The following MAP3K12 variants were observed in gnomAD, a reference collection of about 807,000 sequenced individuals.
MAP3K12 encodes the protein MAPK-upstream kinase.
MAP3K12 carries 14 observed loss-of-function variants against 87.5 expected under a neutral mutation model. The observed-to-expected ratio is 0.16, with a 90% CI of 0.11 to 0.25. MAP3K12 has a LOEUF of 0.25. MAP3K12 is among the 10% of genes least tolerant of loss of function. The probability of loss-of-function intolerance (pLI) is 1.00; values close to 1 mark genes in which losing one functional copy is unlikely to be tolerated. For missense variants in MAP3K12, 802 were observed against 1,140.4 expected (o/e 0.70, Z 4.27); for synonymous variants, 469 against 452.5 (o/e 1.04, Z -0.46).
intron 4 of MAP3K12, 171 bp from the exon 5 acceptor site, chr12:53,485,646 C>G (rs1943207967): frequency 1.4e-6 from 1 of 695,146 alleles, no homozygotes; most frequent in South Asian, 1.8e-5. Context: ...ACCTCCACCT[C>G]CTGGGTTCAA....
Position 53,483,844 on chromosome 12 carries a change from G to T in MAP3K12, c.1358+67C>A, listed in dbSNP as rs1279861531. ...GTCCTTCCACCCGCCCTGGGGCTGG[G>T]TAGGAGCTGACTGGGTGCATAGTCC... On this transcript the variant is annotated intron_variant, in intron 8 of 13. Transcript: ENST00000547488. The T allele has an allele frequency of 2.5e-6, 4 of 1,610,410 alleles. No individual in the cohort carries two copies. The African/African-American group carries it at 5.3e-5, about 22-fold the overall frequency.
chr12:53,489,079 CAAAAAAAA>C (rs925604046), intron 1 of MAP3K12, among the ~76,000 whole-genome samples: 8 of 46,434 alleles, frequency 1.7e-4, no homozygotes, highest in African/African-American at 5.8e-4. Flanking sequence ...AACTCTGTCT[CAAAAAAAA>C]AAAAAAAAAA....
At chr12:53,484,103 T>G in intron 7 of MAP3K12, 83 bp from the exon 8 acceptor site, 1 of 1,445,888 alleles carries the variant, frequency 6.9e-7, no homozygotes, top group Non-Finnish European at 9.7e-7. Context: ...CCACTGCCAA[T>G]GTGTGTGCTG....
At chr12:53,483,845 T>G (rs191925764) in intron 8 of MAP3K12, 66 bp downstream of exon 8, 3 of 1,610,364 alleles carry the variant, frequency 1.9e-6, no homozygotes, top group Non-Finnish European at 2.5e-6. Flanking sequence ...TGGGGCTGGG[T>G]AGGAGCTGAC....
rs763575485 is a variant in MAP3K12 at position 53,486,898 on chromosome 12, C to T, written c.445+49G>A. The stretch of plus-strand genomic sequence containing the variant: ...ACTTTAGCGGAGCTGACCAACAGAT[C>T]TCGGGCTCAGGGAAACAGAGAGGAG... On this transcript the variant is annotated intron_variant, in intron 2 of 13. Coordinates refer to ENST00000547488, the MANE Select transcript of MAP3K12 (RefSeq NM_001193511.2). The surrounding 1 kb of genome is among the most constrained non-coding windows in gnomAD (Gnocchi z 4.9). 8.1e-6 allele frequency: 13 copies of T among 1,599,740 alleles called. No homozygotes were observed. The highest frequency in any genetic ancestry group is 2.2e-5 in the South Asian group (2 of 89,286).
chr12:53,488,416 C>T (rs1049877269), intron 1 of MAP3K12, among the ~76,000 whole-genome samples: 31 of 152,214 alleles, frequency 2.0e-4, no homozygotes, highest in African/African-American at 6.8e-4. Context: ...AATCTCAGCA[C>T]TTTCAGAGGC....
rs1470591436 is a variant in MAP3K12, at chr12:53,480,601, G to A, written c.*581C>T. On this transcript the variant is annotated 3_prime_UTR_variant, in exon 14 of 14. Transcript: ENST00000547488. ...AAAGCAGGGACTTAAACAGCACCCC[G>A]GTTCTTCAGCCTGAGCCATCACATG... 5 of 152,568 alleles carry A rather than the reference G, an allele frequency of 3.3e-5. No homozygotes were observed. Among genetic ancestry groups the A allele is most frequent in the East Asian group, 3.9e-4 (2 of 5,190 alleles). The allele number at this position is 152,568 out of a possible 1,614,324, so 9.5% of individuals were successfully genotyped here.
At position 53,484,039 on chromosome 12, in the gene MAP3K12, TGAA is replaced by T. The variant is rs1451343073; in HGVS notation, c.1249-22_1249-20del. The stretch of plus-strand genomic sequence containing the variant: ...ACTCTGCCTATGGGTTGAGAGCAGA[TGAA>T]GAGTGAGAGCCATCCCTTCACCCAG... On this transcript the variant is annotated intron_variant, in intron 7 of 13. Coordinates refer to ENST00000547488, the MANE Select transcript of MAP3K12 (RefSeq NM_001193511.2). 6.2e-7 allele frequency: 1 copy of T among 1,609,438 alleles called. No homozygotes were observed. The highest frequency in any genetic ancestry group is 8.5e-7 in the Non-Finnish European group (1 of 1,175,812).
chr12:53,481,856 G>C, intron 13 of MAP3K12, 85 bp downstream of exon 13: 1 of 1,511,420 alleles, frequency 6.6e-7, no homozygotes, highest in South Asian at 1.3e-5. Flanking sequence ...CTGTGCAGCT[G>C]TCTCCCCAAA....
chr12:53,486,273 GC>G lies in MAP3K12; in HGVS notation c.630-27del. 6.3e-7 allele frequency: 1 copy of G among 1,576,284 alleles called. No homozygotes were observed. Among genetic ancestry groups the G allele is most frequent in the South Asian group, 1.2e-5 (1 of 85,448 alleles). The stretch of plus-strand genomic sequence containing the variant: ...CTGGGAGCCAAACAATGGTATGAAG[GC>G]CTCAGCTGGCTCAGCATTCACCTGA... On this transcript the variant is annotated intron_variant, in intron 3 of 13. Coordinates refer to ENST00000547488, the MANE Select transcript of MAP3K12 (RefSeq NM_001193511.2). This position sits in a 1 kb window ranked among gnomAD's most constrained non-coding sequence, Gnocchi z 4.9.
intron 6 of MAP3K12, 137 bp from the exon 7 acceptor site, chr12:53,484,502 A>G (rs1943170241): frequency 3.1e-6 from 2 of 650,318 alleles, no homozygotes; most frequent in African/African-American, 1.8e-5. Flanking sequence ...CTTATGGTCA[A>G]CTGTCTCTAG....
At chr12:53,482,495 G>A in intron 11 of MAP3K12, 70 bp downstream of exon 11, 2 of 1,603,758 alleles carry the variant, frequency 1.2e-6, no homozygotes, top group Non-Finnish European at 1.7e-6. Flanking sequence ...CATAATGTGG[G>A]GGATTAGACT....
chr12:53,492,221 T>A lies in MAP3K12; in HGVS notation c.-37-4793A>T, dbSNP rs142717445. 4.3e-3 allele frequency among the ~76,000 whole-genome samples: 659 copies of A among 152,386 alleles called. 6 individuals carry two copies. Among genetic ancestry groups the A allele is most frequent in the African/African-American group, 0.015 (619 of 41,598 alleles). ...CTCTAGGTTAATGCGCCTTCTGGGC[T>A]GACACAGCCCCACTATGCGTCCTCT... On this transcript the variant is annotated intron_variant, in intron 1 of 13. Coordinates refer to ENST00000547488, the MANE Select transcript of MAP3K12 (RefSeq NM_001193511.2).
rs755755877 is a variant in MAP3K12, at chr12:53,487,332, G to T, written c.60C>A (p.Thr20=). 1.2e-6 allele frequency: 2 copies of T among 1,614,006 alleles called. No individual in the cohort carries two copies. Among genetic ancestry groups the T allele is most frequent in the Admixed American group, 3.3e-5 (2 of 60,010 alleles). The change falls in exon 2 of 14, where the codon ACC becomes ACA. Residue 20 remains threonine (T), a synonymous_variant. Coordinates refer to ENST00000547488, the MANE Select transcript of MAP3K12 (RefSeq NM_001193511.2). ...PSPSFGGFVS[T]LSEASMRKLD... ...GCTTGCGCATGGATGCCTCACTTAG[G>T]GTAGACACAAAGCCCCCAAAGGAAG...
chr12:53,484,673 G>A (rs1470794910), intron 6 of MAP3K12: 7 of 443,470 alleles, frequency 1.6e-5, no homozygotes, highest in East Asian at 9.0e-5. Flanking sequence ...ATTAGCAATC[G>A]TCAAACTTCC....
upstream of MAP3K12, chr12:53,501,393 G>T: frequency 6.4e-7 from 1 of 1,559,344 alleles, no homozygotes; most frequent in East Asian, 2.4e-5. Flanking sequence ...TGGCGCCCGC[G>T]GGGACGGAGG....
intron 1 of MAP3K12, among the ~76,000 whole-genome samples, chr12:53,498,986 GTGTGTGTGTGTGTGTGT>G (rs1943610968): frequency 4.0e-5 from 2 of 50,286 alleles, no homozygotes; most frequent in African/African-American, 1.2e-4. Context: ...GTGTGTGTGT[GTGTGTGTGTGTGTGTGT>G]GGAGATGGTG....
In MAP3K12 at chr12:53,486,747, A is replaced by G; in HGVS notation, c.446-125T>C. ...GAGGCAGAAAGCCAAAAATAGGCCA[A>G]GAAGAAGGTTCGAGGGGACAGGGAA... On this transcript the variant is annotated intron_variant, in intron 2 of 13. Transcript: ENST00000547488. This position sits in a 1 kb window ranked among gnomAD's most constrained non-coding sequence, Gnocchi z 4.9. 6.9e-7 allele frequency: 1 copy of G among 1,454,332 alleles called. No homozygotes were observed. 90.1% of individuals were successfully genotyped at this position (1,454,332 alleles called of 1,614,324 possible).
At chr12:53,494,713 G>A (rs1943504122) in intron 1 of MAP3K12, among the ~76,000 whole-genome samples, 1 of 152,106 alleles carries the variant, frequency 6.6e-6, no homozygotes, top group Non-Finnish European at 1.5e-5. Context: ...TCAGGAAAAG[G>A]AGAATGATTC....
Sources: allele counts gnomAD v4.1 joint callset (sites outside exome capture counted in the v4.1 genomes callset), GRCh38; gene constraint gnomAD v4.1.1; non-coding constraint Gnocchi (gnomAD v3.1); transcripts MANE v1.5; gene names NCBI Gene and HGNC (gene_info 2026-07-23, HGNC 2026-07-21).